CDH22: variants seen among roughly 807,000 people sequenced by gnomAD.
CDH22 encodes the protein cadherin-22.
In CDH22, 30 loss-of-function variants were observed where a neutral mutation model predicts 58.4. The ratio of observed to expected loss-of-function variants is 0.51; its 90% CI spans 0.38 to 0.70. CDH22 has a LOEUF of 0.70. CDH22 is among the 30% of genes least tolerant of loss of function. CDH22 has a pLI of 0.00. For synonymous variants in CDH22, 513 were observed against 558.2 expected, an observed-to-expected ratio of 0.92 and a Z score of 1.14; for missense variants, 1,014 against 1,233.9, an observed-to-expected ratio of 0.82 and a Z score of 2.67.
chr20:46,293,120 A>G (rs1743713289), intron 1 of CDH22, among the ~76,000 whole-genome samples: 1 of 152,130 alleles, frequency 6.6e-6, no homozygotes, highest in South Asian at 2.1e-4. Flanking sequence ...AAGACCCCTT[A>G]GTGGTTACAA....
intron 8 of CDH22, among the ~76,000 whole-genome samples, chr20:46,195,870 C>T (rs1043491710): frequency 6.6e-6 from 1 of 152,124 alleles, no homozygotes; most frequent in Non-Finnish European, 1.5e-5. Context: ...GGCGGTGGCT[C>T]CTGGCTGAGT....
At chr20:46,217,023 A>C (rs1299007867) in intron 4 of CDH22, 30 bp from the exon 5 acceptor site, 1 of 1,567,746 alleles carries the variant, frequency 6.4e-7, no homozygotes, top group Non-Finnish European at 8.7e-7. Context: ...AGGCCAGGGC[A>C]CCCCACACCA....
At chr20:46,280,350 G>T (rs1041134729) in intron 1 of CDH22, among the ~76,000 whole-genome samples, 1 of 152,202 alleles carries the variant, frequency 6.6e-6, no homozygotes, top group East Asian at 1.9e-4. Flanking sequence ...AACCTGGGAG[G>T]TGGAGGTTGC....
chr20:46,226,289 C>T (rs893302175), intron 4 of CDH22, among the ~76,000 whole-genome samples: 1,153 of 3,388 alleles, frequency 0.34, 178 homozygotes, highest in African/African-American at 0.49. Context: ...TCTTCTTCTT[C>T]TTCTTTTTTT....
chr20:46,306,249 G>A (rs918806938), intron 1 of CDH22, among the ~76,000 whole-genome samples: 3 of 152,250 alleles, frequency 2.0e-5, no homozygotes, highest in South Asian at 2.1e-4. Context: ...CATAAGCAGC[G>A]TTGGTGAGGC....
chr20:46,228,206 C>T (rs550781853), intron 3 of CDH22, among the ~76,000 whole-genome samples: 16 of 150,726 alleles, frequency 1.1e-4, no homozygotes, highest in Admixed American at 8.5e-4. Flanking sequence ...ACCAATTCAT[C>T]GGGGGTCAGA....
chr20:46,236,594 ATATAT>A (rs1472933558), intron 3 of CDH22, among the ~76,000 whole-genome samples: 36 of 142,726 alleles, frequency 2.5e-4, no homozygotes, highest in Non-Finnish European at 4.8e-4. Context: ...ATAATATATA[ATATAT>A]TATATATAGA....
chr20:46,268,165 G>T (rs1046841274), intron 1 of CDH22, among the ~76,000 whole-genome samples: 1 of 152,256 alleles, frequency 6.6e-6, no homozygotes, highest in Non-Finnish European at 1.5e-5. Context: ...ACCGTCCTGG[G>T]TGGTATGATC....
intron 1 of CDH22, among the ~76,000 whole-genome samples, chr20:46,307,101 C>A (rs1311896143): frequency 6.6e-6 from 1 of 152,158 alleles, no homozygotes; most frequent in African/African-American, 2.4e-5. Flanking sequence ...GGAATCAGCC[C>A]CACGGAAAAA....
At chr20:46,306,039 TA>T (rs2086675159) in intron 1 of CDH22, among the ~76,000 whole-genome samples, 1 of 152,246 alleles carries the variant, frequency 6.6e-6, no homozygotes, top group African/African-American at 2.4e-5. Context: ...AACACACTTT[TA>T]GGGGCCAAAC....
chr20:46,241,318 T>A lies in CDH22; in HGVS notation c.256-61A>T. The A allele has an allele frequency of 7.1e-7, 1 of 1,416,898 alleles. No individual in the cohort carries two copies. Among genetic ancestry groups the A allele is most frequent in the Non-Finnish European group, 9.5e-7 (1 of 1,047,310 alleles). 87.8% of individuals were successfully genotyped at this position (1,416,898 alleles called of 1,614,324 possible). On this transcript the variant is annotated intron_variant, in intron 2 of 11. Transcript: ENST00000537909. The surrounding 1 kb of genome is among the most constrained non-coding windows in gnomAD (Gnocchi z 5.2). The stretch of plus-strand genomic sequence containing the variant: ...AGAAGGAAGCTCCTCTTGGCCTCAC[T>A]GTCTCATGCCATTGGCTGCCTATTC...
intron 1 of CDH22, among the ~76,000 whole-genome samples, chr20:46,280,146 G>A (rs2086543089): frequency 6.6e-6 from 1 of 152,188 alleles, no homozygotes; most frequent in African/African-American, 2.4e-5. Context: ...CAGCCCGGGT[G>A]CGGTAGCTCA....
chr20:46,254,354 A>G (rs1295213977), intron 1 of CDH22, among the ~76,000 whole-genome samples: 2 of 152,106 alleles, frequency 1.3e-5, no homozygotes, highest in Admixed American at 1.3e-4. Context: ...CAGGAGTTCG[A>G]GACCAGCCAG....
chr20:46,178,586 C>CTTTTTTTTTTTTTTTTTT lies in CDH22; in HGVS notation c.1664-407_1664-390dup, dbSNP rs33937889. Among the ~76,000 whole-genome samples, 99 of 95,330 alleles carry CTTTTTTTTTTTTTTTTTT rather than the reference C, an allele frequency of 1.0e-3. 1 individual carries two copies. The highest frequency in any genetic ancestry group is 1.5e-3 in the Non-Finnish European group (75 of 49,386). The allele number at this position is 95,330 out of a possible 152,430, so 62.5% of individuals were successfully genotyped here. On this transcript the variant is annotated intron_variant, in intron 10 of 11. Transcript: ENST00000537909. ...GCCAAGGTCCTGTCCCTGGCGTTGT[C>CTTTTTTTTTTTTTTTTTT]TTTTTTTTTTTTTTTTTTTTTGCCA...
At chr20:46,282,007 A>G (rs565495544) in intron 1 of CDH22, among the ~76,000 whole-genome samples, 70 of 152,396 alleles carry the variant, frequency 4.6e-4, no homozygotes, top group African/African-American at 1.6e-3. Flanking sequence ...CACAGCTGGC[A>G]GAGCAGGAGC....
chr20:46,208,643 A>T (rs2086017696), intron 7 of CDH22, among the ~76,000 whole-genome samples: 1 of 152,122 alleles, frequency 6.6e-6, no homozygotes, highest in African/African-American at 2.4e-5. Context: ...TGCCCAGGCT[A>T]GAGTGCAATG....
At chr20:46,214,426 G>A (rs1019081663) in intron 5 of CDH22, among the ~76,000 whole-genome samples, 2 of 152,116 alleles carry the variant, frequency 1.3e-5, no homozygotes, top group African/African-American at 2.4e-5. Context: ...CCGGGGTGGG[G>A]CACTTTCTGA....
chr20:46,233,010 T>TG (rs561462017), intron 3 of CDH22, among the ~76,000 whole-genome samples: 141 of 152,136 alleles, frequency 9.3e-4, no homozygotes, highest in African/African-American at 3.2e-3. Flanking sequence ...CAGAAGTTCG[T>TG]GGGGCAGAGA....
At chr20:46,228,858 T>G (rs2086199529) in intron 3 of CDH22, among the ~76,000 whole-genome samples, 1 of 152,146 alleles carries the variant, frequency 6.6e-6, no homozygotes, top group African/African-American at 2.4e-5. Flanking sequence ...AATCTGGAAG[T>G]GCTACTGCAG....
Sources: allele counts gnomAD v4.1 joint callset (sites outside exome capture counted in the v4.1 genomes callset), GRCh38; gene constraint gnomAD v4.1.1; non-coding constraint Gnocchi (gnomAD v3.1); transcripts MANE v1.5; gene names NCBI Gene and HGNC (gene_info 2026-07-23, HGNC 2026-07-21).